CSMD1: variants seen among roughly 807,000 people sequenced by gnomAD.
CSMD1 encodes the protein CUB and sushi domain-containing protein 1.
In CSMD1, 213 loss-of-function variants were observed where a neutral mutation model predicts 417.5. That is an observed-to-expected ratio of 0.51 (90% confidence interval 0.46 to 0.57). The LOEUF (loss-of-function observed/expected upper bound fraction) is 0.57. CSMD1 is among the 20% of genes least tolerant of loss of function. CSMD1 has a pLI of 0.00. For missense variants in CSMD1, 6,923 were observed against 4,529.7 expected, an observed-to-expected ratio of 1.53 and a Z score of -15.17; for synonymous variants, 2,862 against 1,736.8, an observed-to-expected ratio of 1.65 and a Z score of -16.11.
intron 3 of CSMD1, among the ~76,000 whole-genome samples, chr8:4,120,260 T>G (rs534272203): frequency 1.3e-5 from 2 of 151,738 alleles, no homozygotes; most frequent in East Asian, 1.9e-4. Context: ...TAAAAAGGAT[T>G]TGGGGTAAAG....
chr8:4,467,944 C>G (rs980702836), intron 2 of CSMD1, among the ~76,000 whole-genome samples: 2 of 152,082 alleles, frequency 1.3e-5, no homozygotes, highest in African/African-American at 4.8e-5. Context: ...CCTGAACTAA[C>G]AAAGTAATAT....
chr8:4,653,501 C>T (rs989750232), intron 1 of CSMD1, among the ~76,000 whole-genome samples: 1 of 152,068 alleles, frequency 6.6e-6, no homozygotes, highest in African/African-American at 2.4e-5. Context: ...CTTACAGACA[C>T]CAGACTTTCT....
chr8:3,039,379 C>T (rs1035024068), intron 50 of CSMD1, among the ~76,000 whole-genome samples: 1 of 137,476 alleles, frequency 7.3e-6, no homozygotes, highest in African/African-American at 3.2e-5. Flanking sequence ...TTCCTTTCTT[C>T]CTTCCTTCCT....
chr8:2,992,122 T>G (rs559968187), intron 54 of CSMD1, among the ~76,000 whole-genome samples: 2 of 152,268 alleles, frequency 1.3e-5, no homozygotes, highest in South Asian at 2.1e-4. Context: ...GCATGAATAG[T>G]ACATATGCAT....
chr8:4,120,119 A>G (rs1802397521), intron 3 of CSMD1, among the ~76,000 whole-genome samples: 1 of 152,188 alleles, frequency 6.6e-6, no homozygotes, highest in Non-Finnish European at 1.5e-5. Flanking sequence ...ATTATCCATG[A>G]TGTGAATACT....
intron 2 of CSMD1, among the ~76,000 whole-genome samples, chr8:4,602,528 G>C (rs1800645124): frequency 6.6e-6 from 1 of 152,116 alleles, no homozygotes. Flanking sequence ...AAATATATTA[G>C]GAACATATTG....
intron 1 of CSMD1, among the ~76,000 whole-genome samples, chr8:4,811,867 G>A (rs1798926954): frequency 6.6e-6 from 1 of 152,052 alleles, no homozygotes. Flanking sequence ...CAGTGCCACA[G>A]CTGCCTCAAA....
Position 3,517,792 on chromosome 8 carries a change from G to A in CSMD1, c.1345-24066C>T, listed in dbSNP as rs1035324689. 3.0e-4 allele frequency among the ~76,000 whole-genome samples: 46 copies of A among 152,062 alleles called. 1 individual carries two copies. Among genetic ancestry groups the A allele is most frequent in the Middle Eastern group, 3.2e-3 (1 of 316 alleles). The stretch of plus-strand genomic sequence containing the variant: ...TGGGAAATTTGTAACAAAAAATAAC[G>A]AGCAGAATTCCCTTTTAGTCTATGA... On this transcript the variant is annotated intron_variant, in intron 10 of 69. Transcript: ENST00000635120.
At chr8:3,639,734 T>G (rs114327135) in intron 7 of CSMD1, among the ~76,000 whole-genome samples, 1 of 152,312 alleles carries the variant, frequency 6.6e-6, no homozygotes, top group East Asian at 1.9e-4. Flanking sequence ...TGATTTTTCT[T>G]TTGCATTTAT....
At chr8:4,967,900 G>A (rs1228768942) in intron 1 of CSMD1, among the ~76,000 whole-genome samples, 1 of 152,092 alleles carries the variant, frequency 6.6e-6, no homozygotes, top group Admixed American at 6.6e-5. Flanking sequence ...TACCGTGTGT[G>A]GAAGCAGAAC....
Position 4,349,354 on chromosome 8 carries a change from G to A in CSMD1, c.415+70599C>T, listed in dbSNP as rs137930002. 3.7e-3 allele frequency among the ~76,000 whole-genome samples: 567 copies of A among 152,258 alleles called. 4 individuals carry two copies. Among genetic ancestry groups the A allele is most frequent in the African/African-American group, 0.013 (539 of 41,560 alleles). On this transcript the variant is annotated intron_variant, in intron 3 of 69. Coordinates refer to ENST00000635120, the MANE Select transcript of CSMD1 (RefSeq NM_033225.6). ...TTGAGTATAAGATGTAGGTGTTATC[G>A]TATTTTACATTTTTCTTAAAGCATC...
At chr8:3,997,677 C>G (rs1815321783) in intron 5 of CSMD1, among the ~76,000 whole-genome samples, 1 of 152,186 alleles carries the variant, frequency 6.6e-6, no homozygotes, top group Admixed American at 6.5e-5. Flanking sequence ...AGTTCAAGCA[C>G]ACAGATGACT....
chr8:4,217,773 G>C (rs968077615), intron 3 of CSMD1, among the ~76,000 whole-genome samples: 8 of 152,144 alleles, frequency 5.3e-5, no homozygotes, highest in Admixed American at 2.0e-4. Context: ...TTTAGGGCAG[G>C]ATTGTTGGGC....
At chr8:4,550,196 AACTT>A (rs1797809388) in intron 2 of CSMD1, among the ~76,000 whole-genome samples, 1 of 151,978 alleles carries the variant, frequency 6.6e-6, no homozygotes, top group Non-Finnish European at 1.5e-5. Flanking sequence ...TGCTGTGTGC[AACTT>A]TCCCTGTACC....
At chr8:4,190,251 T>TC (rs796968065) in intron 3 of CSMD1, among the ~76,000 whole-genome samples, 3 of 76,088 alleles carry the variant, frequency 3.9e-5, no homozygotes, top group African/African-American at 2.0e-4. Flanking sequence ...AAACTCCGTC[T>TC]CCAAAAAAAA....
At chr8:4,200,044 C>G (rs1038369689) in intron 3 of CSMD1, among the ~76,000 whole-genome samples, 2 of 152,274 alleles carry the variant, frequency 1.3e-5, no homozygotes, top group African/African-American at 4.8e-5. Flanking sequence ...CCATAAAATC[C>G]TGAATGATTA....
chr8:4,117,590 A>G (rs1369241340), intron 3 of CSMD1, among the ~76,000 whole-genome samples: 5 of 152,186 alleles, frequency 3.3e-5, no homozygotes, highest in African/African-American at 1.2e-4. Flanking sequence ...GGCAATGATT[A>G]TTTTTTACAA....
chr8:4,830,006 G>A (rs1020853662), intron 1 of CSMD1, among the ~76,000 whole-genome samples: 3 of 152,150 alleles, frequency 2.0e-5, no homozygotes, highest in Non-Finnish European at 4.4e-5. Flanking sequence ...GTGCTCTCGT[G>A]ATGAACTGCC....
intron 1 of CSMD1, among the ~76,000 whole-genome samples, chr8:4,797,366 A>C (rs183909185): frequency 6.6e-6 from 1 of 152,316 alleles, no homozygotes; most frequent in African/African-American, 2.4e-5. Flanking sequence ...AGCATCTGTG[A>C]AAGAGTGTTC....
Sources: allele counts gnomAD v4.1 joint callset (sites outside exome capture counted in the v4.1 genomes callset), GRCh38; gene constraint gnomAD v4.1.1; transcripts MANE v1.5; gene names NCBI Gene and HGNC (gene_info 2026-07-23, HGNC 2026-07-21).